UBE2E2: variants seen among roughly 807,000 people sequenced by gnomAD.
The protein encoded by UBE2E2 is ubiquitin-conjugating enzyme E2 E2.
A neutral mutation model predicts 24.7 loss-of-function variants in UBE2E2; 6 were observed. That is an observed-to-expected ratio of 0.24 (90% CI 0.13 to 0.48). The LOEUF is 0.48. UBE2E2 is among the 20% of genes least tolerant of loss of function. UBE2E2 has a pLI of 0.99. For synonymous variants in UBE2E2, 104 were observed against 83.6 expected, an observed-to-expected ratio of 1.24 and a Z score of -1.33; for missense variants, 169 against 245.0, an observed-to-expected ratio of 0.69 and a Z score of 2.07.
At chr3:23,333,537 G>A (rs1276647079) in intron 3 of UBE2E2, among the ~76,000 whole-genome samples, 1 of 152,062 alleles carries the variant, frequency 6.6e-6, no homozygotes, top group African/African-American at 2.4e-5. Context: ...AAAATTGCCT[G>A]CCATGCCTAT....
chr3:23,535,433 A>G (rs927758121), intron 5 of UBE2E2, among the ~76,000 whole-genome samples: 1 of 152,128 alleles, frequency 6.6e-6, no homozygotes, highest in Non-Finnish European at 1.5e-5. Context: ...TACAATCGAA[A>G]AAAGCTGAAC....
chr3:23,457,813 C>G (rs1379656030), intron 3 of UBE2E2, among the ~76,000 whole-genome samples: 3 of 152,212 alleles, frequency 2.0e-5, no homozygotes, highest in Admixed American at 2.0e-4. Context: ...CTATAGCTTC[C>G]AGCTTTTCTT....
At chr3:23,302,101 T>A (rs1385427664) in intron 3 of UBE2E2, among the ~76,000 whole-genome samples, 3 of 152,120 alleles carry the variant, frequency 2.0e-5, no homozygotes, top group Non-Finnish European at 4.4e-5. Flanking sequence ...TTCCAGGAGT[T>A]CTTGAGGCTT....
chr3:23,274,398 T>G (rs890042940), intron 3 of UBE2E2, among the ~76,000 whole-genome samples: 1 of 152,110 alleles, frequency 6.6e-6, no homozygotes, highest in African/African-American at 2.4e-5. Context: ...TGTTGCCCAC[T>G]GTGTTGCGGC....
intron 3 of UBE2E2, among the ~76,000 whole-genome samples, chr3:23,322,870 AT>A (rs1263758261): frequency 1.3e-5 from 2 of 151,990 alleles, no homozygotes; most frequent in Non-Finnish European, 2.9e-5. Context: ...ATAATAAATA[AT>A]TGATTTTAGC....
At chr3:23,328,702 G>A (rs889269239) in intron 3 of UBE2E2, among the ~76,000 whole-genome samples, 2 of 143,784 alleles carry the variant, frequency 1.4e-5, no homozygotes, top group South Asian at 2.2e-4. Context: ...TCGCTCTGTC[G>A]CCCACGCTAA....
At chr3:23,437,851 A>G (rs1326108802) in intron 3 of UBE2E2, among the ~76,000 whole-genome samples, 5 of 152,234 alleles carry the variant, frequency 3.3e-5, no homozygotes, top group Non-Finnish European at 7.3e-5. Flanking sequence ...CACACAGGAC[A>G]GGTGGCCACT....
chr3:23,260,512 C>A (rs539981760), intron 3 of UBE2E2, among the ~76,000 whole-genome samples: 1 of 152,218 alleles, frequency 6.6e-6, no homozygotes, highest in East Asian at 1.9e-4. Context: ...AATCTAATTT[C>A]TATAATTTAA....
chr3:23,403,880 T>A lies in UBE2E2; in HGVS notation c.228-95728T>A, dbSNP rs2125374151. ...AACATAGAGGACAAACAAAAAGTAC[T>A]TTCTACTTCAATCCAAGATGAAGAA... On this transcript the variant is annotated intron_variant, in intron 3 of 5. Coordinates refer to ENST00000396703, the MANE Select transcript of UBE2E2 (RefSeq NM_152653.4). Among the ~76,000 whole-genome samples the A allele has an allele frequency of 4.0e-5, 6 of 151,800 alleles. 1 individual carries two copies. The East Asian group carries it at 1.2e-3, about 29-fold the overall frequency.
intron 3 of UBE2E2, among the ~76,000 whole-genome samples, chr3:23,260,667 C>T (rs1001856920): frequency 1.2e-4 from 19 of 152,016 alleles, no homozygotes; most frequent in African/African-American, 3.9e-4. Context: ...AGGAAGTTAG[C>T]GAGCATGGTG....
intron 3 of UBE2E2, chr3:23,323,462 G>GATC (rs1049015020): frequency 9.5e-6 from 4 of 420,112 alleles, no homozygotes; most frequent in African/African-American, 6.2e-5. Flanking sequence ...AATACGGGGT[G>GATC]AGCATCCCAA....
chr3:23,451,536 C>T (rs879929098), intron 3 of UBE2E2, among the ~76,000 whole-genome samples: 5 of 152,074 alleles, frequency 3.3e-5, no homozygotes, highest in South Asian at 4.1e-4. Flanking sequence ...ACGACTATAC[C>T]GTGTTATCTC....
intron 3 of UBE2E2, among the ~76,000 whole-genome samples, chr3:23,299,260 G>A (rs900471744): frequency 9.9e-5 from 15 of 152,158 alleles, no homozygotes; most frequent in African/African-American, 3.4e-4. Flanking sequence ...ATCTTTTGAA[G>A]GTTTTTTTGT....
intron 3 of UBE2E2, among the ~76,000 whole-genome samples, chr3:23,272,157 G>A (rs900176011): frequency 2.6e-5 from 4 of 152,140 alleles, no homozygotes; most frequent in Admixed American, 2.0e-4. Context: ...TGCAGGTCCC[G>A]AGCCCTGCCC....
chr3:23,564,938 T>C (rs1330598684), intron 5 of UBE2E2, among the ~76,000 whole-genome samples: 1 of 152,120 alleles, frequency 6.6e-6, no homozygotes, highest in South Asian at 2.1e-4. Context: ...ACCAGGCATA[T>C]GAGAAGGGCA....
At chr3:23,222,220 A>G (rs1696668077) in intron 3 of UBE2E2, among the ~76,000 whole-genome samples, 1 of 152,148 alleles carries the variant, frequency 6.6e-6, no homozygotes. Context: ...TTGTGTGTAT[A>G]TACCACATTT....
chr3:23,310,928 T>A (rs1278027138), intron 3 of UBE2E2, among the ~76,000 whole-genome samples: 1 of 152,186 alleles, frequency 6.6e-6, no homozygotes, highest in Non-Finnish European at 1.5e-5. Flanking sequence ...TACATATGTA[T>A]ACATGTGCCA....
At chr3:23,264,031 C>T (rs890633813) in intron 3 of UBE2E2, among the ~76,000 whole-genome samples, 30 of 152,078 alleles carry the variant, frequency 2.0e-4, no homozygotes, top group Non-Finnish European at 8.8e-5. Flanking sequence ...TACTATGAGT[C>T]GGGTACATGA....
At chr3:23,274,756 A>G (rs1388421871) in intron 3 of UBE2E2, among the ~76,000 whole-genome samples, 1 of 152,154 alleles carries the variant, frequency 6.6e-6, no homozygotes, top group Admixed American at 6.5e-5. Flanking sequence ...ATAATGATAC[A>G]CTGGATATTA....
Sources: gnomAD v4.1 joint callset for allele counts (sites outside exome capture counted in the v4.1 genomes callset) on GRCh38, gnomAD v4.1.1 for gene constraint, MANE v1.5 for transcripts, NCBI Gene and HGNC (gene_info 2026-07-23, HGNC 2026-07-21) for gene names.